The following COPS5 variants were observed in gnomAD, a reference collection of about 807,000 sequenced individuals.
COPS5 encodes COP9 signalosome complex subunit 5.
Under a neutral mutation model 44.4 loss-of-function variants are expected in COPS5, and 8 were observed. The ratio of observed to expected loss-of-function variants is 0.18; its 90% CI spans 0.11 to 0.32. COPS5 has a LOEUF of 0.32. Ranked by LOEUF, COPS5 falls within the 10% of genes least tolerant of loss-of-function variation. The probability of loss-of-function intolerance (pLI) is 1.00; values close to 1 mark genes in which losing one functional copy is unlikely to be tolerated. For missense variants in COPS5, 159 were observed against 406.4 expected, an observed-to-expected ratio of 0.39 and a Z score of 5.23; for synonymous variants, 122 against 142.8, an observed-to-expected ratio of 0.85 and a Z score of 1.04.
At chr8:67,051,909 A>G (rs1027279378) in intron 5 of COPS5, among the ~76,000 whole-genome samples, 4 of 152,188 alleles carry the variant, frequency 2.6e-5, no homozygotes, top group Admixed American at 6.5e-5. Flanking sequence ...TGAAAAATAC[A>G]TATATTTTTA....
intron 1 of COPS5, chr8:67,061,211 A>C: frequency 7.6e-6 from 2 of 262,290 alleles, no homozygotes; most frequent in Non-Finnish European, 7.6e-6. Context: ...CTATTTTTAT[A>C]ATTTCTGGCT....
chr8:67,048,287 A>T (rs1181344906), intron 6 of COPS5, among the ~76,000 whole-genome samples: 1 of 151,240 alleles, frequency 6.6e-6, no homozygotes, highest in Non-Finnish European at 1.5e-5. Context: ...ATAAAATAAT[A>T]AAATAAATAA....
At chr8:67,060,406 A>G in intron 1 of COPS5, 1 of 1,280,976 alleles carries the variant, frequency 7.8e-7, no homozygotes, top group South Asian at 1.3e-5. Flanking sequence ...CGTCTCTACA[A>G]AGCCTTTTTA....
At chr8:67,048,794 A>G (rs1336107724) in intron 6 of COPS5, among the ~76,000 whole-genome samples, 2 of 151,944 alleles carry the variant, frequency 1.3e-5, no homozygotes, top group Non-Finnish European at 2.9e-5. Context: ...GCACCAAATT[A>G]AAAAAAATCA....
intron 3 of COPS5, among the ~76,000 whole-genome samples, chr8:67,057,813 T>C (rs1804534434): frequency 6.6e-6 from 1 of 152,220 alleles, no homozygotes; most frequent in Non-Finnish European, 1.5e-5. Context: ...TTAACTCAGT[T>C]CAGTCAACAC....
intron 6 of COPS5, among the ~76,000 whole-genome samples, chr8:67,050,985 A>C (rs1014244706): frequency 6.6e-6 from 1 of 151,972 alleles, no homozygotes; most frequent in African/African-American, 2.4e-5. Context: ...TCCTTATGGC[A>C]GGGGCAGATC....
chr8:67,056,050 C>A (rs573264394), intron 5 of COPS5, among the ~76,000 whole-genome samples: 2 of 152,138 alleles, frequency 1.3e-5, no homozygotes, highest in African/African-American at 4.8e-5. Context: ...TGGTCCTGAA[C>A]CCATCTTTCA....
At chr8:67,055,434 G>C (rs1804488173) in intron 5 of COPS5, among the ~76,000 whole-genome samples, 1 of 152,252 alleles carries the variant, frequency 6.6e-6, no homozygotes, top group African/African-American at 2.4e-5. Context: ...TGGGGCTCCA[G>C]ATGGCAGTGG....
intron 4 of COPS5, 53 bp downstream of exon 4, chr8:67,057,327 T>C (rs1804527928): frequency 3.2e-6 from 4 of 1,257,568 alleles, no homozygotes; most frequent in Admixed American, 3.8e-5. Context: ...GCCACTGTAC[T>C]CCAGCCTAGG....
Position 67,051,329 on chromosome 8 carries a change from T to C in COPS5, c.672A>G (p.Leu224=). The C allele has an allele frequency of 6.3e-7, 1 of 1,594,286 alleles. No homozygotes were observed. The highest frequency in any genetic ancestry group is 8.6e-7 in the Non-Finnish European group (1 of 1,165,048). ...AAGAGGATTTGAAATATGAGACTTC[T>C]AAGGCATAATATCTATGAAATAAAA... is the stretch of plus-strand genomic sequence containing the variant. ...FGVHCKQYYA[L]EVSYFKSSLD... The change falls in exon 6 of 8, where the codon TTA becomes TTG. Residue 224 remains leucine, a synonymous_variant. Coordinates refer to ENST00000357849, the MANE Select transcript of COPS5 (RefSeq NM_006837.3).
At chr8:67,049,806 C>T (rs1804371857) in intron 6 of COPS5, among the ~76,000 whole-genome samples, 1 of 152,160 alleles carries the variant, frequency 6.6e-6, no homozygotes, top group African/African-American at 2.4e-5. Context: ...CTCATATTCT[C>T]CAAACCCAGT....
intron 5 of COPS5, among the ~76,000 whole-genome samples, chr8:67,053,788 C>T (rs550217512): frequency 6.1e-4 from 93 of 151,886 alleles, no homozygotes; most frequent in South Asian, 1.2e-3. Context: ...GGGCAGATCA[C>T]GAGGTCATGA....
At chr8:67,057,543 T>C in intron 3 of COPS5, 98 bp from the exon 4 acceptor site, 2 of 685,938 alleles carry the variant, frequency 2.9e-6, no homozygotes, top group African/African-American at 3.7e-5. Context: ...TATAACACTA[T>C]ATACATACAT....
intron 7 of COPS5, 97 bp from the exon 8 acceptor site, chr8:67,043,414 T>G: frequency 1.5e-6 from 1 of 676,822 alleles, no homozygotes; most frequent in South Asian, 2.0e-5. Flanking sequence ...TCCAATGAGT[T>G]TAGTTTTATT....
chr8:67,058,206 G>A lies in COPS5; in HGVS notation c.384C>T (p.Gly128=). The A allele has an allele frequency of 6.2e-7, 1 of 1,613,128 alleles. No individual in the cohort carries two copies. Among genetic ancestry groups the A allele is most frequent in the Non-Finnish European group, 8.5e-7 (1 of 1,179,268 alleles). The change falls in exon 3 of 8, where the codon GGC becomes GGT. Residue 128 remains glycine, a synonymous_variant. Transcript: ENST00000357849. ...AAYIENAKQV[G]RLENAIGWYH... ...ACCACCCGATTGCATTTTCAAGGCG[G>A]CCAACCTAACAAATGAAGGGGCAAA...
Position 67,061,866 on chromosome 8 carries a change from G to A in COPS5, c.131C>T (p.Pro44Leu). The A allele has an allele frequency of 6.2e-7, 1 of 1,614,086 alleles. No homozygotes were observed. The highest frequency in any genetic ancestry group is 1.1e-5 in the South Asian group (1 of 91,080). Residue 44 changes from proline (P) to leucine (L), a missense_variant, in exon 1 of 8, where the codon CCC becomes CTC. Coordinates refer to ENST00000357849, the MANE Select transcript of COPS5 (RefSeq NM_006837.3). Reference protein sequence around the residue: ...KQQQEILAAKPWTKDHHYFKY... With the variant: ...KQQQEILAAKLWTKDHHYFKY... ...GGGACCTCCTCACTCCTTAGTCCAGGGCTTCGCCGCCAGGATTTCTTGCTG... is the reference window on the plus strand; with the variant it reads ...GGGACCTCCTCACTCCTTAGTCCAGAGCTTCGCCGCCAGGATTTCTTGCTG...
At chr8:67,059,688 A>C in intron 1 of COPS5, 2 of 457,146 alleles carry the variant, frequency 4.4e-6, no homozygotes, top group South Asian at 4.9e-5. Context: ...TTAATATGCT[A>C]TTCAAATAAG....
chr8:67,050,558 AGTGTGTGT>A (rs34629150), intron 6 of COPS5, among the ~76,000 whole-genome samples: 26 of 140,994 alleles, frequency 1.8e-4, no homozygotes, highest in African/African-American at 6.3e-4. Flanking sequence ...TGTGAGTGTG[AGTGTGTGT>A]GTGTGTGTGT....
chr8:67,059,133 A>G (rs1804551949), intron 2 of COPS5, 78 bp downstream of exon 2: 2 of 918,542 alleles, frequency 2.2e-6, no homozygotes, highest in Admixed American at 4.5e-5. Context: ...AAAGGGGATA[A>G]TTTTAAGTTT....
Sources: gnomAD v4.1 joint callset for allele counts (sites outside exome capture counted in the v4.1 genomes callset) on GRCh38, gnomAD v4.1.1 for gene constraint, MANE v1.5 for transcripts, NCBI Gene and HGNC (gene_info 2026-07-23, HGNC 2026-07-21) for gene names.